MAP4: variants seen among roughly 807,000 people sequenced by gnomAD.
MAP4 encodes the protein microtubule-associated protein 4.
In MAP4, 76 loss-of-function variants were observed where a neutral mutation model predicts 170.2. The ratio of observed to expected loss-of-function variants is 0.45; its 90% CI spans 0.37 to 0.54. The LOEUF is 0.54. MAP4 is among the 20% of genes least tolerant of loss of function. The pLI is 0.00. For missense variants in MAP4, 2,506 were observed against 2,748.0 expected (o/e 0.91, Z 1.97); for synonymous variants, 909 against 994.5 (o/e 0.91, Z 1.62).
chr3:48,018,747 G>T (rs1236623887), upstream of MAP4, among the ~76,000 whole-genome samples: 1 of 152,072 alleles, frequency 6.6e-6, no homozygotes, highest in Non-Finnish European at 1.5e-5. Flanking sequence ...AGGTTGCAGT[G>T]AGCCAAGATC....
chr3:47,973,362 C>A, intron 3 of MAP4: 1 of 985,390 alleles, frequency 1.0e-6, no homozygotes, highest in Non-Finnish European at 1.2e-6. Flanking sequence ...CATTGAGATA[C>A]TGGACCACTT....
intron 10 of MAP4, among the ~76,000 whole-genome samples, chr3:47,885,974 C>T (rs980808413): frequency 4.6e-5 from 7 of 152,134 alleles, no homozygotes; most frequent in African/African-American, 1.4e-4. Context: ...ATGATCCGCC[C>T]GCCTCGGCCT....
At chr3:48,036,179 C>A (rs1444436208) in intron 1 of MAP4, among the ~76,000 whole-genome samples, 1 of 152,158 alleles carries the variant, frequency 6.6e-6, no homozygotes, top group Non-Finnish European at 1.5e-5. Flanking sequence ...ATCTTTATAG[C>A]AAGCTCTATG....
At chr3:47,970,150 G>A (rs1044144987) in intron 3 of MAP4, among the ~76,000 whole-genome samples, 2 of 152,118 alleles carry the variant, frequency 1.3e-5, no homozygotes, top group Non-Finnish European at 2.9e-5. Context: ...GCCTCAATAT[G>A]GATTTTCTCT....
rs904471975 is a variant in MAP4 at position 47,859,084 on chromosome 3, G to A, written c.6502-1572C>T. Among the ~76,000 whole-genome samples, 7 of 152,188 alleles carry A rather than the reference G, an allele frequency of 4.6e-5. No individual in the cohort carries two copies. In the East Asian group the frequency reaches 9.7e-4, roughly 21 times the overall value. Reference sequence around the variant, plus strand: ...GCAGAGCTTGCAGTGAGCCGAGATCGTGCCACTGCACTCCAGCCTGGGCAA... The same window carrying A: ...GCAGAGCTTGCAGTGAGCCGAGATCATGCCACTGCACTCCAGCCTGGGCAA... On this transcript the variant is annotated intron_variant, in intron 17 of 20. Transcript: ENST00000683076.
rs926516672 is a variant in MAP4, at chr3:47,937,659, T to C, written c.293-9309A>G. 3.4e-3 allele frequency among the ~76,000 whole-genome samples: 242 copies of C among 70,366 alleles called. 1 individual carries two copies. Among genetic ancestry groups the C allele is most frequent in the Non-Finnish European group, 5.8e-3 (197 of 33,750 alleles). The allele number at this position is 70,366 out of a possible 152,430, so 46.2% of individuals were successfully genotyped here. A position where few individuals can be genotyped will look rare whatever the true frequency, so the allele number is the denominator to read the frequency against. ...ACAGCTTTTCCTTTTTCTTCTTCTT[T>C]TTTTTTTTTTTTTTTTTTTGAGACG... On this transcript the variant is annotated intron_variant, in intron 3 of 20. Transcript: ENST00000683076.
chr3:48,038,321 GTCT>G lies in MAP4; in HGVS notation c.-19-39445_-19-39443del, dbSNP rs2100119855. Among the ~76,000 whole-genome samples the G allele has an allele frequency of 2.6e-5, 4 of 151,946 alleles. No homozygotes were observed. The South Asian group carries it at 8.3e-4, about 32-fold the overall frequency. On this transcript the variant is annotated intron_variant, in intron 1 of 18. Coordinates refer to the MAP4 transcript ENST00000360240. ...AAATATGTGTTTTTCTAATTCTCAA[GTCT>G]TCATTTTTTTCTTTTTATCACCATC...
At chr3:47,881,478 A>ATATATATATATG (rs2096734215) in intron 10 of MAP4, among the ~76,000 whole-genome samples, 2 of 101,742 alleles carry the variant, frequency 2.0e-5, no homozygotes, top group South Asian at 3.3e-4. Flanking sequence ...ATATATATAT[A>ATATATATATATG]TATATATATA....
At chr3:48,047,554 T>C (rs745677819) in intron 1 of MAP4, among the ~76,000 whole-genome samples, 4 of 152,016 alleles carry the variant, frequency 2.6e-5, no homozygotes, top group Admixed American at 6.6e-5. Context: ...TGGCCCAACA[T>C]AACTTATAAG....
At chr3:47,999,802 T>C (rs1363881978) in intron 1 of MAP4, among the ~76,000 whole-genome samples, 1 of 150,686 alleles carries the variant, frequency 6.6e-6, no homozygotes, top group South Asian at 2.1e-4. Flanking sequence ...TGTTTACCTA[T>C]GCAACAAACC....
At chr3:47,930,699 T>G (rs573960293) in intron 3 of MAP4, among the ~76,000 whole-genome samples, 2 of 150,356 alleles carry the variant, frequency 1.3e-5, no homozygotes, top group South Asian at 2.1e-4. Flanking sequence ...GAGGCCAAGG[T>G]GGGCGGATCA....
At chr3:48,059,814 C>G (rs1207932812) in intron 1 of MAP4, among the ~76,000 whole-genome samples, 2 of 151,990 alleles carry the variant, frequency 1.3e-5, no homozygotes, top group African/African-American at 4.8e-5. Flanking sequence ...AACCCCATCT[C>G]TACTAAAATA....
rs1005545625 is a variant in MAP4 at position 47,957,138 on chromosome 3, A to G, written c.292+20727T>C. ...CCATGAACTTATATATAAGTGCCCA[A>G]TCTACCACCATGACATTCCACACAG... On this transcript the variant is annotated intron_variant, in intron 3 of 20. Coordinates refer to ENST00000683076, the MANE Select transcript of MAP4 (RefSeq NM_001385682.1). 9.9e-5 allele frequency among the ~76,000 whole-genome samples: 15 copies of G among 152,218 alleles called. No individual in the cohort carries two copies. The South Asian group carries it at 2.5e-3, about 25-fold the overall frequency.
At chr3:47,955,408 T>G (rs2100067109) in intron 3 of MAP4, among the ~76,000 whole-genome samples, 1 of 143,288 alleles carries the variant, frequency 7.0e-6, no homozygotes, top group African/African-American at 2.6e-5. Flanking sequence ...TCGCGTGACA[T>G]TCCAAAAAAA....
At chr3:47,947,545 G>T (rs748554853) in intron 3 of MAP4, among the ~76,000 whole-genome samples, 1 of 152,166 alleles carries the variant, frequency 6.6e-6, no homozygotes, top group Non-Finnish European at 1.5e-5. Flanking sequence ...GGGTGTGGTG[G>T]CTCATGCCTG....
chr3:47,873,023 C>T (rs999224842), intron 12 of MAP4, among the ~76,000 whole-genome samples: 1 of 152,168 alleles, frequency 6.6e-6, no homozygotes, highest in African/African-American at 2.4e-5. Context: ...CACTGAGCCT[C>T]TGAGCTTTAT....
At chr3:47,984,054 A>G (rs963594060) in intron 2 of MAP4, among the ~76,000 whole-genome samples, 1 of 151,884 alleles carries the variant, frequency 6.6e-6, no homozygotes, top group African/African-American at 2.4e-5. Context: ...TGCGAATAAT[A>G]TGCATAATGG....
At chr3:48,035,324 T>G (rs554066780) in intron 1 of MAP4, among the ~76,000 whole-genome samples, 1 of 140,510 alleles carries the variant, frequency 7.1e-6, no homozygotes, top group Non-Finnish European at 1.6e-5. Flanking sequence ...AAAAAGAAAC[T>G]CCAACCCATA....
chr3:48,033,342 T>C (rs1272983570), intron 1 of MAP4, among the ~76,000 whole-genome samples: 1 of 152,172 alleles, frequency 6.6e-6, no homozygotes, highest in African/African-American at 2.4e-5. Flanking sequence ...CTCATGTGGA[T>C]TTTTATCTTC....
Sources: gnomAD v4.1 joint callset for allele counts (sites outside exome capture counted in the v4.1 genomes callset) on GRCh38, gnomAD v4.1.1 for gene constraint, MANE v1.5 for transcripts, NCBI Gene and HGNC (gene_info 2026-07-23, HGNC 2026-07-21) for gene names.